CLSTN2: variants seen among roughly 807,000 people sequenced by gnomAD.
CLSTN2 encodes calsyntenin-2.
A neutral mutation model predicts 101.2 loss-of-function variants in CLSTN2; 48 were observed. That is an observed-to-expected ratio of 0.47 (90% CI 0.38 to 0.60). CLSTN2 has a LOEUF of 0.60. Among genes scored for constraint, CLSTN2 ranks in the 20% least tolerant of loss-of-function variants. The pLI is 0.00. For missense variants in CLSTN2, 1,160 were observed against 1,238.2 expected (o/e 0.94, Z 0.95); for synonymous variants, 481 against 463.6 (o/e 1.04, Z -0.48).
intron 2 of CLSTN2, among the ~76,000 whole-genome samples, chr3:140,209,946 A>G (rs1437590721): frequency 6.6e-6 from 1 of 152,202 alleles, no homozygotes; most frequent in Non-Finnish European, 1.5e-5. Flanking sequence ...TCAGGTGCTC[A>G]TACATTCACT....
At chr3:140,355,571 G>A (rs1224756537) in intron 2 of CLSTN2, among the ~76,000 whole-genome samples, 1 of 152,224 alleles carries the variant, frequency 6.6e-6, no homozygotes, top group South Asian at 2.1e-4. Flanking sequence ...AGGGATGAAG[G>A]GTTAGTGTGG....
At chr3:140,456,240 C>G (rs892228055) in intron 6 of CLSTN2, among the ~76,000 whole-genome samples, 18 of 152,188 alleles carry the variant, frequency 1.2e-4, no homozygotes, top group Non-Finnish European at 5.9e-5. Context: ...GATCTCCCTC[C>G]AGGTCCACTG....
chr3:140,282,100 G>A (rs1390802757), intron 2 of CLSTN2, among the ~76,000 whole-genome samples: 1 of 152,140 alleles, frequency 6.6e-6, no homozygotes, highest in East Asian at 1.9e-4. Flanking sequence ...ATGATGTTCT[G>A]TTTACATGAT....
chr3:140,010,606 A>C (rs533461184), intron 1 of CLSTN2, among the ~76,000 whole-genome samples: 1 of 152,300 alleles, frequency 6.6e-6, no homozygotes, highest in South Asian at 2.1e-4. Context: ...CTCCTCCATG[A>C]ACCTCCTGCT....
intron 1 of CLSTN2, among the ~76,000 whole-genome samples, chr3:140,005,665 T>G (rs9820296): frequency 0.015 from 2,300 of 152,306 alleles, 38 homozygotes; most frequent in Non-Finnish European, 0.026. Context: ...TTTCTCAATT[T>G]TTAACAAGAT....
At chr3:140,342,417 CAT>C (rs1403083061) in intron 2 of CLSTN2, among the ~76,000 whole-genome samples, 1 of 152,082 alleles carries the variant, frequency 6.6e-6, no homozygotes, top group Non-Finnish European at 1.5e-5. Flanking sequence ...TACAGTGAAA[CAT>C]ATCTGTACTT....
At chr3:140,154,239 G>A (rs2009913285) in intron 1 of CLSTN2, among the ~76,000 whole-genome samples, 1 of 152,162 alleles carries the variant, frequency 6.6e-6, no homozygotes, top group African/African-American at 2.4e-5. Flanking sequence ...ATAATAAGGA[G>A]CCAGTCATGT....
intron 1 of CLSTN2, among the ~76,000 whole-genome samples, chr3:139,978,275 TA>T (rs1249960587): frequency 3.9e-5 from 6 of 152,242 alleles, no homozygotes; most frequent in Non-Finnish European, 8.8e-5. Context: ...TCTCATGGGA[TA>T]TCTATACACT....
intron 2 of CLSTN2, among the ~76,000 whole-genome samples, chr3:140,277,723 GGA>G (rs1363743694): frequency 6.6e-6 from 1 of 152,122 alleles, no homozygotes; most frequent in Non-Finnish European, 1.5e-5. Flanking sequence ...AGATGCTGTA[GGA>G]GAGACAGTGG....
intron 2 of CLSTN2, among the ~76,000 whole-genome samples, chr3:140,212,383 G>A (rs1193727595): frequency 6.6e-6 from 1 of 152,168 alleles, no homozygotes; most frequent in African/African-American, 2.4e-5. Flanking sequence ...TTTTTCATTT[G>A]CCACTGGTAA....
intron 2 of CLSTN2, among the ~76,000 whole-genome samples, chr3:140,236,824 A>AGTGTGTGTGTGTGTGT (rs548988567): frequency 8.0e-6 from 1 of 125,736 alleles, no homozygotes; most frequent in African/African-American, 3.0e-5. Flanking sequence ...TATGTTATAT[A>AGTGTGTGTGTGTGTGT]GTGTGTGTGT....
intron 2 of CLSTN2, among the ~76,000 whole-genome samples, chr3:140,192,393 C>T (rs192256764): frequency 9.4e-4 from 143 of 151,976 alleles, no homozygotes; most frequent in East Asian, 1.7e-3. Flanking sequence ...TATTGAGGAA[C>T]GGATGTTGAA....
At chr3:140,036,376 A>T (rs2007652610) in intron 1 of CLSTN2, among the ~76,000 whole-genome samples, 2 of 152,184 alleles carry the variant, frequency 1.3e-5, no homozygotes, top group Non-Finnish European at 2.9e-5. Flanking sequence ...CAACACTGAG[A>T]CAGCTTGGCT....
intron 1 of CLSTN2, among the ~76,000 whole-genome samples, chr3:140,093,972 G>GC (rs1489070644): frequency 1.3e-5 from 2 of 152,208 alleles, no homozygotes; most frequent in Admixed American, 6.5e-5. Context: ...TTGGAACACT[G>GC]CCCGGGGGAA....
At chr3:140,050,709 G>A (rs1295211988) in intron 1 of CLSTN2, among the ~76,000 whole-genome samples, 1 of 152,224 alleles carries the variant, frequency 6.6e-6, no homozygotes, top group East Asian at 1.9e-4. Context: ...CAAGGAGAGG[G>A]AGCTTGGATG....
chr3:140,366,760 C>T (rs2087795002), intron 2 of CLSTN2, among the ~76,000 whole-genome samples: 1 of 152,216 alleles, frequency 6.6e-6, no homozygotes, highest in Non-Finnish European at 1.5e-5. Context: ...AAGGTTGTTC[C>T]TATTTGAAAT....
intron 1 of CLSTN2, among the ~76,000 whole-genome samples, chr3:140,001,634 T>C (rs556731861): frequency 6.6e-6 from 1 of 152,304 alleles, no homozygotes; most frequent in Non-Finnish European, 1.5e-5. Context: ...CAAAATACTT[T>C]TTTTAAGCTA....
intron 1 of CLSTN2, among the ~76,000 whole-genome samples, chr3:140,099,074 G>C (rs772310551): frequency 6.6e-6 from 1 of 152,184 alleles, no homozygotes; most frequent in Non-Finnish European, 1.5e-5. Context: ...CTGCTGGTCC[G>C]TATGTGGCTC....
chr3:140,531,062 G>T (rs1245485230), intron 8 of CLSTN2, among the ~76,000 whole-genome samples: 2 of 152,080 alleles, frequency 1.3e-5, no homozygotes, highest in African/African-American at 2.4e-5. Flanking sequence ...ATGTCTTGGG[G>T]TCACCCCACC....
Sources: gnomAD v4.1 joint callset for allele counts (sites outside exome capture counted in the v4.1 genomes callset) on GRCh38, gnomAD v4.1.1 for gene constraint, MANE v1.5 for transcripts, NCBI Gene and HGNC (gene_info 2026-07-23, HGNC 2026-07-21) for gene names.